The following DOCK3 variants were observed in gnomAD, a reference collection of about 807,000 sequenced individuals.
The protein encoded by DOCK3 is dedicator of cytokinesis protein 3.
In DOCK3, 60 loss-of-function variants were observed where a neutral mutation model predicts 265.6. The observed-to-expected ratio is 0.23, with a 90% CI of 0.18 to 0.28. The LOEUF is 0.28. Among genes scored for constraint, DOCK3 ranks in the 10% least tolerant of loss-of-function variants. The pLI is 1.00. For synonymous variants in DOCK3, 881 were observed against 938.0 expected, an observed-to-expected ratio of 0.94 and a Z score of 1.11; for missense variants, 1,981 against 2,594.3, an observed-to-expected ratio of 0.76 and a Z score of 5.14.
At chr3:50,718,339 A>G (rs1366874966) in intron 1 of DOCK3, among the ~76,000 whole-genome samples, 3 of 152,090 alleles carry the variant, frequency 2.0e-5, no homozygotes, top group Non-Finnish European at 4.4e-5. Flanking sequence ...TAGCTTTTAT[A>G]CTTTATTCTC....
chr3:51,130,855 G>A (rs937793158), intron 9 of DOCK3, among the ~76,000 whole-genome samples: 14 of 151,930 alleles, frequency 9.2e-5, no homozygotes, highest in African/African-American at 2.7e-4. Context: ...CTACAAGTGC[G>A]CGCCACCACA....
chr3:50,692,184 T>C (rs1037836570), intron 1 of DOCK3, among the ~76,000 whole-genome samples: 1 of 152,228 alleles, frequency 6.6e-6, no homozygotes, highest in African/African-American at 2.4e-5. Flanking sequence ...TCCAAAACAT[T>C]GAGATTACAG....
chr3:51,345,735 G>A (rs1039804333), intron 38 of DOCK3, among the ~76,000 whole-genome samples: 2 of 152,170 alleles, frequency 1.3e-5, no homozygotes, highest in African/African-American at 4.8e-5. Flanking sequence ...AATCCATATG[G>A]TGTTAATTTC....
intron 1 of DOCK3, among the ~76,000 whole-genome samples, chr3:50,757,163 C>CTTTTTTT (rs34435343): frequency 3.4e-4 from 28 of 81,614 alleles, no homozygotes; most frequent in Non-Finnish European, 4.4e-4. Flanking sequence ...AGATTGTCGT[C>CTTTTTTT]TTTTTTTTTT....
intron 35 of DOCK3, chr3:51,336,732 T>A: frequency 2.6e-6 from 1 of 379,524 alleles, no homozygotes; most frequent in Non-Finnish European, 5.3e-6. Context: ...AGCACAGAAG[T>A]GTGTAGGATG....
chr3:51,247,193 A>C (rs1351575159), intron 22 of DOCK3, among the ~76,000 whole-genome samples: 1 of 152,182 alleles, frequency 6.6e-6, no homozygotes, highest in African/African-American at 2.4e-5. Flanking sequence ...TACTAAGCAT[A>C]GATTTTTTGA....
At chr3:51,029,153 G>T (rs1297924197) in intron 5 of DOCK3, among the ~76,000 whole-genome samples, 1 of 151,828 alleles carries the variant, frequency 6.6e-6, no homozygotes, top group Non-Finnish European at 1.5e-5. Flanking sequence ...CTTCATTTCT[G>T]CATGCTTTCA....
At chr3:51,252,705 T>A (rs944125598) in intron 22 of DOCK3, among the ~76,000 whole-genome samples, 3 of 152,222 alleles carry the variant, frequency 2.0e-5, no homozygotes, top group Non-Finnish European at 4.4e-5. Flanking sequence ...TTTTTGCACA[T>A]TGATTTTGTA....
intron 1 of DOCK3, among the ~76,000 whole-genome samples, chr3:50,710,477 C>T (rs947429937): frequency 1.3e-5 from 2 of 152,012 alleles, no homozygotes; most frequent in Non-Finnish European, 2.9e-5. Flanking sequence ...CTTACTCCTG[C>T]AAGAATGGCC....
At chr3:50,707,717 G>C (rs1019305644) in intron 1 of DOCK3, among the ~76,000 whole-genome samples, 6 of 152,168 alleles carry the variant, frequency 3.9e-5, no homozygotes, top group Admixed American at 3.3e-4. Flanking sequence ...GTCATGCTCA[G>C]ATGCTAGTGA....
intron 22 of DOCK3, among the ~76,000 whole-genome samples, chr3:51,254,439 G>A (rs1443206577): frequency 6.6e-6 from 1 of 151,946 alleles, no homozygotes; most frequent in African/African-American, 2.4e-5. Flanking sequence ...TTTATGTCTC[G>A]TTGATCTGTC....
At chr3:50,833,012 AAAGT>A in intron 2 of DOCK3, among the ~76,000 whole-genome samples, 1 of 152,340 alleles carries the variant, frequency 6.6e-6, no homozygotes, top group East Asian at 1.9e-4. Flanking sequence ...ACAGTAAAGC[AAAGT>A]AAGTAAAATT....
At chr3:51,250,240 C>T (rs2079130275) in intron 22 of DOCK3, among the ~76,000 whole-genome samples, 2 of 150,254 alleles carry the variant, frequency 1.3e-5, no homozygotes, top group South Asian at 2.1e-4. Flanking sequence ...CCAAATCCCC[C>T]TCTGTGAGAA....
chr3:51,307,610 C>G (rs2082758142), intron 27 of DOCK3, among the ~76,000 whole-genome samples: 2 of 152,024 alleles, frequency 1.3e-5, no homozygotes, highest in Admixed American at 1.3e-4. Flanking sequence ...CTTTTCAGTT[C>G]AGCCATAGCC....
At chr3:51,335,899 G>A (rs1377726619) in intron 35 of DOCK3, among the ~76,000 whole-genome samples, 1 of 151,872 alleles carries the variant, frequency 6.6e-6, no homozygotes, top group African/African-American at 2.4e-5. Context: ...GGCTGAGGTG[G>A]GCGAATCACT....
chr3:51,208,505 CTT>C (rs1428716475), intron 12 of DOCK3, among the ~76,000 whole-genome samples: 1 of 152,138 alleles, frequency 6.6e-6, no homozygotes, highest in Non-Finnish European at 1.5e-5. Flanking sequence ...AAAGAAACAA[CTT>C]TTCATGTGGG....
At position 50,879,169 on chromosome 3, in the gene DOCK3, A is replaced by G. The variant is rs556291010; in HGVS notation, c.163-10857A>G. ...GGAACAAATGGTACTAGCCACTGCA[A>G]AAACATGCCAAATTGTAAAGACCAT... is the stretch of plus-strand genomic sequence containing the variant. On this transcript the variant is annotated intron_variant, in intron 3 of 52. Coordinates refer to ENST00000266037, the MANE Select transcript of DOCK3 (RefSeq NM_004947.5). Among the ~76,000 whole-genome samples the G allele has an allele frequency of 6.6e-5, 10 of 152,374 alleles. No homozygotes were observed. The East Asian group carries it at 1.9e-3, about 29-fold the overall frequency.
chr3:50,794,853 G>C (rs563232737), intron 2 of DOCK3, among the ~76,000 whole-genome samples: 1 of 152,294 alleles, frequency 6.6e-6, no homozygotes, highest in South Asian at 2.1e-4. Context: ...GTTTGTGTTT[G>C]TGGTGGCTGG....
chr3:50,708,701 G>C (rs2036566743), intron 1 of DOCK3, among the ~76,000 whole-genome samples: 1 of 152,240 alleles, frequency 6.6e-6, no homozygotes, highest in Non-Finnish European at 1.5e-5. Context: ...GATTGTGGGA[G>C]TCTGCAGTGG....
Sources: gnomAD v4.1 joint callset for allele counts (sites outside exome capture counted in the v4.1 genomes callset) on GRCh38, gnomAD v4.1.1 for gene constraint, MANE v1.5 for transcripts, NCBI Gene and HGNC (gene_info 2026-07-23, HGNC 2026-07-21) for gene names.